Variants in CSMD1 observed in about 807,000 individuals in gnomAD.
The protein encoded by CSMD1 is CUB and Sushi multiple domains 1.
CSMD1 carries 213 observed loss-of-function variants against 417.5 expected under a neutral mutation model. The observed-to-expected ratio is 0.51, with a 90% CI of 0.46 to 0.57. The LOEUF (loss-of-function observed/expected upper bound fraction) is 0.57. Ranked by LOEUF, CSMD1 falls within the 20% of genes least tolerant of loss-of-function variation. CSMD1 has a pLI of 0.00. For missense variants in CSMD1, 6,923 were observed against 4,529.7 expected, an observed-to-expected ratio of 1.53 and a Z score of -15.17; for synonymous variants, 2,862 against 1,736.8, an observed-to-expected ratio of 1.65 and a Z score of -16.11.
chr8:3,017,367 T>G (rs986488456), intron 52 of CSMD1, among the ~76,000 whole-genome samples: 12 of 152,124 alleles, frequency 7.9e-5, no homozygotes, highest in Admixed American at 2.6e-4. Context: ...ACTCTCTACA[T>G]GAAGAAGCAT....
chr8:3,509,493 G>T (rs1212953563), intron 10 of CSMD1, among the ~76,000 whole-genome samples: 1 of 152,120 alleles, frequency 6.6e-6, no homozygotes, highest in Admixed American at 6.5e-5. Flanking sequence ...TTTCATTTCA[G>T]CTTCCTCATC....
intron 2 of CSMD1, among the ~76,000 whole-genome samples, chr8:4,621,087 C>T (rs765359341): frequency 1.3e-5 from 2 of 152,020 alleles, no homozygotes; most frequent in Non-Finnish European, 2.9e-5. Context: ...ATAATAACAG[C>T]AGCTGAGTAT....
At chr8:3,170,716 G>A (rs1168580516) in intron 37 of CSMD1, among the ~76,000 whole-genome samples, 2 of 152,158 alleles carry the variant, frequency 1.3e-5, no homozygotes, top group Non-Finnish European at 2.9e-5. Flanking sequence ...TCATAAATAT[G>A]TGAAGATCAA....
At chr8:4,191,300 G>T (rs1199407826) in intron 3 of CSMD1, among the ~76,000 whole-genome samples, 2 of 152,104 alleles carry the variant, frequency 1.3e-5, no homozygotes, top group African/African-American at 4.8e-5. Flanking sequence ...GGAGGCTGAG[G>T]CAGGAGAATG....
At chr8:3,868,958 A>C (rs899976285) in intron 5 of CSMD1, among the ~76,000 whole-genome samples, 3 of 152,080 alleles carry the variant, frequency 2.0e-5, no homozygotes, top group African/African-American at 7.2e-5. Flanking sequence ...ATTACAACCT[A>C]AGTCACATAA....
At chr8:4,668,773 C>G (rs543561395) in intron 1 of CSMD1, among the ~76,000 whole-genome samples, 1 of 152,236 alleles carries the variant, frequency 6.6e-6, no homozygotes, top group South Asian at 2.1e-4. Flanking sequence ...TTCCAGTGTT[C>G]TCTTCCTTAA....
At chr8:3,669,431 G>T (rs763234600) in intron 7 of CSMD1, among the ~76,000 whole-genome samples, 1 of 152,052 alleles carries the variant, frequency 6.6e-6, no homozygotes, top group African/African-American at 2.4e-5. Context: ...CTGTAGTGAG[G>T]GACTCCACTG....
At chr8:4,158,072 T>C (rs1376354293) in intron 3 of CSMD1, among the ~76,000 whole-genome samples, 1 of 148,060 alleles carries the variant, frequency 6.8e-6, no homozygotes, top group South Asian at 2.1e-4. Flanking sequence ...GCTTCCCCAT[T>C]ACAATACAAG....
chr8:4,436,468 T>C (rs1196149564), intron 2 of CSMD1, among the ~76,000 whole-genome samples: 1 of 152,156 alleles, frequency 6.6e-6, no homozygotes, highest in Non-Finnish European at 1.5e-5. Flanking sequence ...AGAAATGCAA[T>C]GCATAATAAT....
At chr8:4,374,533 C>T in intron 3 of CSMD1, among the ~76,000 whole-genome samples, 1 of 152,034 alleles carries the variant, frequency 6.6e-6, no homozygotes, top group Non-Finnish European at 1.5e-5. Flanking sequence ...AGAGAAGAGG[C>T]TGGTCAGTCC....
At chr8:3,269,537 G>C (rs1397797614) in intron 26 of CSMD1, among the ~76,000 whole-genome samples, 1 of 152,196 alleles carries the variant, frequency 6.6e-6, no homozygotes, top group Non-Finnish European at 1.5e-5. Context: ...AGTAGGGAGA[G>C]GTGTCATGTA....
At chr8:3,681,943 G>C (rs576529456) in intron 7 of CSMD1, among the ~76,000 whole-genome samples, 122 of 152,284 alleles carry the variant, frequency 8.0e-4, no homozygotes, top group Middle Eastern at 6.8e-3. Flanking sequence ...AATGGGGAAA[G>C]GATTCCCTAT....
rs1796231972 is a variant in CSMD1 at position 3,493,652 on chromosome 8, C to T, written c.1419G>A (p.Lys473=). 6.2e-7 allele frequency: 1 copy of T among 1,611,864 alleles called. No individual in the cohort carries two copies. Among genetic ancestry groups the T allele is most frequent in the Admixed American group, 1.7e-5 (1 of 59,800 alleles). ...ACAAGACCGATCTGGTGTCTCCCAC[C>T]TTCCCAGCATCACCAACCGTCAGGG... The part of the protein sequence containing the change: ...YDTLTVGDAG[K]VGDTRSVLYV... Residue 473 remains lysine (K), a synonymous_variant, in exon 11 of 70, where the codon AAG becomes AAA. Transcript: ENST00000635120.
chr8:3,432,508 C>CTTTTT (rs769207768), intron 12 of CSMD1, among the ~76,000 whole-genome samples: 12 of 105,314 alleles, frequency 1.1e-4, no homozygotes, highest in Non-Finnish European at 2.2e-4. Flanking sequence ...TCAATATGGG[C>CTTTTT]TTTTTTTTTT....
At chr8:4,174,937 T>C (rs73510845) in intron 3 of CSMD1, among the ~76,000 whole-genome samples, 4,203 of 151,044 alleles carry the variant, frequency 0.028, 212 homozygotes, top group African/African-American at 0.097. Flanking sequence ...ACTCCTTAAT[T>C]TAATATTGAA....
In CSMD1 at chr8:4,913,978, T is replaced by C. The variant is rs181194784; in HGVS notation, c.85+80354A>G. Among the ~76,000 whole-genome samples the C allele has an allele frequency of 3.1e-3, 477 of 152,340 alleles. 4 individuals are homozygous for C. Among genetic ancestry groups the C allele is most frequent in the Middle Eastern group, 0.01 (3 of 294 alleles). On this transcript the variant is annotated intron_variant, in intron 1 of 69. Transcript: ENST00000635120. ...ATTGTAGCCAATTAAGATTTTAAACTATAAATTCTGTGATTATTTCACATA... is the reference window on the plus strand; with the variant it reads ...ATTGTAGCCAATTAAGATTTTAAACCATAAATTCTGTGATTATTTCACATA...
chr8:4,196,785 G>C (rs1799364709), intron 3 of CSMD1, among the ~76,000 whole-genome samples: 1 of 151,968 alleles, frequency 6.6e-6, no homozygotes, highest in Admixed American at 6.5e-5. Flanking sequence ...TTCCCATAAA[G>C]CAACCTATTC....
At chr8:4,170,358 C>A (rs1012859770) in intron 3 of CSMD1, among the ~76,000 whole-genome samples, 1 of 151,790 alleles carries the variant, frequency 6.6e-6, no homozygotes, top group East Asian at 1.9e-4. Context: ...TCCGTATATT[C>A]GGATAATTTA....
At chr8:3,139,171 T>C (rs1818288636) in intron 41 of CSMD1, among the ~76,000 whole-genome samples, 2 of 152,158 alleles carry the variant, frequency 1.3e-5, no homozygotes, top group South Asian at 2.1e-4. Flanking sequence ...AAACATTGTG[T>C]CCTGGCGCTT....
Sources: allele counts gnomAD v4.1 joint callset (sites outside exome capture counted in the v4.1 genomes callset), GRCh38; gene constraint gnomAD v4.1.1; transcripts MANE v1.5; gene names NCBI Gene and HGNC (gene_info 2026-07-23, HGNC 2026-07-21).